The following CEMIP variants were observed in gnomAD, a reference collection of about 807,000 sequenced individuals.
CEMIP encodes cell migration inducing hyaluronidase 1.
CEMIP carries 105 observed loss-of-function variants against 156.9 expected under a neutral mutation model. That is an observed-to-expected ratio of 0.67 (90% CI 0.57 to 0.79). CEMIP has a LOEUF of 0.79. Among genes scored for constraint, CEMIP ranks in the 30% least tolerant of loss-of-function variants. The pLI, the probability that CEMIP is intolerant of heterozygous loss-of-function variation, is 0.00. For missense variants in CEMIP, 1,457 were observed against 1,769.4 expected (o/e 0.82, Z 3.17); for synonymous variants, 676 against 668.4 (o/e 1.01, Z -0.17).
rs1896026917 is a variant in CEMIP at position 80,789,514 on chromosome 15, G to A, written c.-176+9900G>A. ...CCTGGTAGTGAGAGAGAAAGCAGTT[G>A]GAGGATTTTGGCTTTGGGACTTCCA... On this transcript the variant is annotated intron_variant, in intron 1 of 29. Coordinates refer to ENST00000394685, the MANE Select transcript of CEMIP (RefSeq NM_001293298.2). Among the ~76,000 whole-genome samples the A allele has an allele frequency of 2.0e-5, 3 of 152,100 alleles. No individual in the cohort carries two copies. The South Asian group carries it at 6.2e-4, about 32-fold the overall frequency.
intron 23 of CEMIP, among the ~76,000 whole-genome samples, chr15:80,934,337 TG>T (rs1417225871): frequency 7.9e-5 from 12 of 152,226 alleles, no homozygotes; most frequent in African/African-American, 2.9e-4. Context: ...TGAGTCACAG[TG>T]GCCACATGTC....
At chr15:80,921,000 T>C (rs1269926210) in intron 15 of CEMIP, 32 bp from the exon 16 acceptor site, 1 of 1,608,030 alleles carries the variant, frequency 6.2e-7, no homozygotes, top group East Asian at 2.2e-5. Flanking sequence ...CGGCCCTTTA[T>C]CTGATCTCAG....
At chr15:80,794,720 G>A (rs981537837) in intron 1 of CEMIP, among the ~76,000 whole-genome samples, 4 of 152,130 alleles carry the variant, frequency 2.6e-5, no homozygotes, top group African/African-American at 4.8e-5. Flanking sequence ...CATGTTTCCC[G>A]TGCTTAATAG....
At chr15:80,836,367 C>T (rs1165630194) in intron 1 of CEMIP, among the ~76,000 whole-genome samples, 2 of 152,140 alleles carry the variant, frequency 1.3e-5, no homozygotes, top group African/African-American at 4.8e-5. Flanking sequence ...GAAATTAAGG[C>T]AGTGATTTCA....
At chr15:80,821,606 G>C (rs1366791615) in intron 1 of CEMIP, among the ~76,000 whole-genome samples, 2 of 152,230 alleles carry the variant, frequency 1.3e-5, no homozygotes, top group Non-Finnish European at 2.9e-5. Context: ...AAGAAGACAG[G>C]CTGAAGGGTT....
At chr15:80,928,867 G>T in intron 19 of CEMIP, 35 bp from the exon 20 acceptor site, 2 of 1,612,824 alleles carry the variant, frequency 1.2e-6, no homozygotes, top group Non-Finnish European at 1.7e-6. Context: ...TGAAGCCAGG[G>T]CATGCTCTGA....
At chr15:80,882,577 C>T (rs2141831381) in intron 6 of CEMIP, among the ~76,000 whole-genome samples, 1 of 152,298 alleles carries the variant, frequency 6.6e-6, no homozygotes, top group Admixed American at 6.5e-5. Flanking sequence ...TGAAGAGATC[C>T]AACTTAAAGT....
chr15:80,790,972 T>C (rs953829026), intron 1 of CEMIP, among the ~76,000 whole-genome samples: 5 of 152,180 alleles, frequency 3.3e-5, no homozygotes, highest in African/African-American at 1.2e-4. Context: ...GATGGTAAAC[T>C]ACTTTGCTGG....
At chr15:80,780,584 G>A (rs1239536168) in intron 1 of CEMIP, among the ~76,000 whole-genome samples, 1 of 152,330 alleles carries the variant, frequency 6.6e-6, no homozygotes, top group Non-Finnish European at 1.5e-5. Flanking sequence ...CCTTCTCCAA[G>A]CAGCCAACGC....
intron 12 of CEMIP, among the ~76,000 whole-genome samples, chr15:80,902,014 A>G (rs1484629951): frequency 6.6e-6 from 1 of 152,158 alleles, no homozygotes; most frequent in East Asian, 1.9e-4. Context: ...GCTTGTCCTC[A>G]TACCCGATCT....
intron 1 of CEMIP, among the ~76,000 whole-genome samples, chr15:80,857,783 T>C (rs982216523): frequency 6.6e-6 from 1 of 152,146 alleles, no homozygotes; most frequent in Non-Finnish European, 1.5e-5. Context: ...CATTAGTGAA[T>C]ATATGATTAT....
Position 80,942,005 on chromosome 15 carries a change from G to A in CEMIP, c.3564G>A (p.Arg1188=), listed in dbSNP as rs1472193818. 6.2e-7 allele frequency: 1 copy of A among 1,613,826 alleles called. No individual in the cohort carries two copies. Among genetic ancestry groups the A allele is most frequent in the Non-Finnish European group, 8.5e-7 (1 of 1,180,006 alleles). ...TATAYPKFTE[R]AVVDVPMPKK... ...CAGCTTACCCCAAGTTCACCGAGAG[G>A]GCTGTCGTAGACGTGCCGATGCCCA... Residue 1188 remains arginine, a synonymous_variant, in exon 26 of 30, where the codon AGG becomes AGA. Transcript: ENST00000394685.
intron 1 of CEMIP, among the ~76,000 whole-genome samples, chr15:80,827,131 G>A (rs1897054276): frequency 6.6e-6 from 1 of 152,178 alleles, no homozygotes; most frequent in African/African-American, 2.4e-5. Context: ...CAGTGGGCCA[G>A]GTCTCACCTG....
At chr15:80,926,605 G>T (rs539037571) in intron 19 of CEMIP, among the ~76,000 whole-genome samples, 1 of 152,226 alleles carries the variant, frequency 6.6e-6, no homozygotes, top group African/African-American at 2.4e-5. Flanking sequence ...AGGCTGCTCA[G>T]AAATGCAGAG....
At chr15:80,911,655 C>T (rs1900059349) in intron 14 of CEMIP, among the ~76,000 whole-genome samples, 1 of 152,210 alleles carries the variant, frequency 6.6e-6, no homozygotes, top group Non-Finnish European at 1.5e-5. Context: ...CTCACACGTG[C>T]TGTGGAGAAT....
At chr15:80,847,389 G>A (rs576290103) in intron 1 of CEMIP, among the ~76,000 whole-genome samples, 17 of 152,190 alleles carry the variant, frequency 1.1e-4, no homozygotes, top group African/African-American at 4.1e-4. Flanking sequence ...TGAACTTAGG[G>A]CTTTATGGGA....
chr15:80,931,817 G>T, intron 21 of CEMIP, 42 bp from the exon 22 acceptor site: 1 of 1,594,118 alleles, frequency 6.3e-7, no homozygotes, highest in Non-Finnish European at 8.6e-7. Flanking sequence ...CCATAGGAAT[G>T]GAAAACATTT....
chr15:80,881,548 C>T (rs561412225), intron 6 of CEMIP, among the ~76,000 whole-genome samples: 25 of 151,716 alleles, frequency 1.6e-4, no homozygotes, highest in Non-Finnish European at 3.5e-4. Context: ...TGCAGAAGGC[C>T]GGAGGTATGA....
At chr15:80,914,143 C>A (rs1482610945) in intron 14 of CEMIP, among the ~76,000 whole-genome samples, 1 of 152,130 alleles carries the variant, frequency 6.6e-6, no homozygotes, top group African/African-American at 2.4e-5. Flanking sequence ...AAAATGGGCC[C>A]CCACTTCATC....
Sources: gnomAD v4.1 joint callset for allele counts (sites outside exome capture counted in the v4.1 genomes callset) on GRCh38, gnomAD v4.1.1 for gene constraint, MANE v1.5 for transcripts, NCBI Gene and HGNC (gene_info 2026-07-23, HGNC 2026-07-21) for gene names.